AHCY: variants seen among roughly 807,000 people sequenced by gnomAD.
The protein encoded by AHCY is S-adenosyl-L-homocysteine hydrolase.
A neutral mutation model predicts 45.4 loss-of-function variants in AHCY; 24 were observed. The ratio of observed to expected loss-of-function variants is 0.53; its 90% CI spans 0.38 to 0.74. AHCY has a LOEUF of 0.74. AHCY is among the 30% of genes least tolerant of loss of function. The pLI is 0.00. For missense variants in AHCY, 449 were observed against 594.1 expected, an observed-to-expected ratio of 0.76 and a Z score of 2.54; for synonymous variants, 245 against 235.1, an observed-to-expected ratio of 1.04 and a Z score of -0.39.
chr20:34,279,070 C>T (rs58341620), downstream of AHCY, among the ~76,000 whole-genome samples: 12,005 of 141,956 alleles, frequency 0.085, 1,719 homozygotes, highest in African/African-American at 0.31. Flanking sequence ...GATTGTGCCA[C>T]TGCACTCTAG....
At chr20:34,282,639 C>T (rs1194727422) in intron 9 of AHCY, among the ~76,000 whole-genome samples, 4 of 152,142 alleles carry the variant, frequency 2.6e-5, no homozygotes, top group African/African-American at 4.8e-5. Flanking sequence ...CGTGAAATGA[C>T]GTGTCCACGG....
the AHCY span, among the ~76,000 whole-genome samples, chr20:34,266,625 A>C: frequency 6.6e-6 from 1 of 152,088 alleles, no homozygotes; most frequent in African/African-American, 2.4e-5. Context: ...GTGAGCCGAG[A>C]TGGCACCACT....
chr20:34,288,257 T>C (rs553138304), intron 8 of AHCY, among the ~76,000 whole-genome samples: 2 of 152,284 alleles, frequency 1.3e-5, no homozygotes, highest in Admixed American at 1.3e-4. Flanking sequence ...GACTTGGGCT[T>C]CTGGTGTGGC....
intron 1 of AHCY, among the ~76,000 whole-genome samples, chr20:34,296,530 G>A (rs184497841): frequency 2.0e-5 from 3 of 152,210 alleles, no homozygotes; most frequent in East Asian, 3.9e-4. Context: ...AAAATGTCTC[G>A]AATTTGTTCA....
chr20:34,245,129 T>A, the AHCY span, among the ~76,000 whole-genome samples: 209 of 150,514 alleles, frequency 1.4e-3, 1 homozygote, highest in African/African-American at 4.4e-3. Context: ...AGGTCAGGAG[T>A]TCGAGACCAG....
At chr20:34,250,253 G>T in the AHCY span, 1 of 152,228 alleles carries the variant, frequency 6.6e-6, no homozygotes, top group Non-Finnish European at 1.5e-5. Flanking sequence ...CAAAGCCCAG[G>T]GCAGGCTGTC....
chr20:34,237,245 G>T, the AHCY span, among the ~76,000 whole-genome samples: 25 of 140,564 alleles, frequency 1.8e-4, no homozygotes, highest in African/African-American at 4.1e-4. Context: ...TTTAGAATGG[G>T]TTTTTTTTCT....
At chr20:34,284,038 G>C (rs1029212853) in intron 9 of AHCY, among the ~76,000 whole-genome samples, 4 of 152,200 alleles carry the variant, frequency 2.6e-5, no homozygotes, top group African/African-American at 9.7e-5. Context: ...TAAAACATCT[G>C]TCCTGACCCC....
intron 2 of AHCY, among the ~76,000 whole-genome samples, chr20:34,295,004 G>A (rs1458146642): frequency 1.3e-5 from 2 of 152,184 alleles, no homozygotes; most frequent in Admixed American, 1.3e-4. Context: ...TGGCACACAT[G>A]ACCCAGGCTG....
the AHCY span, among the ~76,000 whole-genome samples, chr20:34,257,946 T>C: frequency 6.6e-6 from 1 of 152,032 alleles, no homozygotes; most frequent in Non-Finnish European, 1.5e-5. Flanking sequence ...GAGTTTGAGA[T>C]CAGCTTGGCC....
At chr20:34,291,776 G>A (rs1025652788) in intron 4 of AHCY, among the ~76,000 whole-genome samples, 13 of 152,220 alleles carry the variant, frequency 8.5e-5, no homozygotes, top group Non-Finnish European at 1.6e-4. Flanking sequence ...TCTCACTGCC[G>A]CTGCTCTAGT....
At chr20:34,232,350 C>T in the AHCY span, among the ~76,000 whole-genome samples, 1 of 152,276 alleles carries the variant, frequency 6.6e-6, no homozygotes, top group South Asian at 2.1e-4. Flanking sequence ...CAGCATCCAC[C>T]GTCAGTTCTA....
rs1454293461 is a variant in AHCY at position 34,281,130 on chromosome 20, C to A, written c.1203G>T (p.Lys401Asn). 2 of 1,613,778 alleles carry A rather than the reference C, an allele frequency of 1.2e-6. No individual in the cohort carries two copies. Among genetic ancestry groups the A allele is most frequent in the Non-Finnish European group, 1.7e-6 (2 of 1,180,058 alleles). ...DEAVAEAHLGKLNVKLTKLTE... is the reference protein window; with the variant it reads ...DEAVAEAHLGNLNVKLTKLTE... ...TTAGCTTGGTCAACTTCACATTCAGCTTGCCCAGGTGGGCTTCAGCCACTG... is the reference window on the plus strand; with the variant it reads ...TTAGCTTGGTCAACTTCACATTCAGATTGCCCAGGTGGGCTTCAGCCACTG... Residue 401 changes from lysine to asparagine, a missense_variant, in exon 10 of 10, where the codon AAG becomes AAT. Coordinates refer to ENST00000217426, the MANE Select transcript of AHCY (RefSeq NM_000687.4).
the AHCY span, among the ~76,000 whole-genome samples, chr20:34,233,340 G>A: frequency 6.6e-6 from 1 of 151,738 alleles, no homozygotes; most frequent in Non-Finnish European, 1.5e-5. Flanking sequence ...GTAGAGATGG[G>A]GTTTCACTAT....
chr20:34,254,160 T>C, the AHCY span, among the ~76,000 whole-genome samples: 2 of 152,274 alleles, frequency 1.3e-5, no homozygotes, highest in Non-Finnish European at 2.9e-5. Context: ...CCTCCTGGAT[T>C]CAAGTGATGC....
At chr20:34,304,849 T>C (rs1416271490), upstream of AHCY, among the ~76,000 whole-genome samples, 2 of 151,912 alleles carry the variant, frequency 1.3e-5, no homozygotes, top group East Asian at 3.9e-4. Flanking sequence ...CCACCACGCC[T>C]GGCTAATTTT....
downstream of AHCY, among the ~76,000 whole-genome samples, chr20:34,276,323 G>T (rs1568778961): frequency 6.6e-6 from 1 of 152,168 alleles, no homozygotes; most frequent in South Asian, 2.1e-4. Flanking sequence ...AACCACACTG[G>T]GTTATGGAAC....
chr20:34,236,002 GAA>G, the AHCY span, among the ~76,000 whole-genome samples: 58 of 119,380 alleles, frequency 4.9e-4, no homozygotes, highest in Non-Finnish European at 8.2e-4. Context: ...GAAGGAAGGA[GAA>G]AGAGAGAAAG....
chr20:34,296,165 G>A (rs2036573012), intron 1 of AHCY, among the ~76,000 whole-genome samples: 1 of 152,132 alleles, frequency 6.6e-6, no homozygotes, highest in African/African-American at 2.4e-5. Flanking sequence ...GGGAGGTGGG[G>A]TGAGCTTGTC....
Sources: gnomAD v4.1 joint callset for allele counts (sites outside exome capture counted in the v4.1 genomes callset) on GRCh38, gnomAD v4.1.1 for gene constraint, MANE v1.5 for transcripts, NCBI Gene and HGNC (gene_info 2026-07-23, HGNC 2026-07-21) for gene names.